Variants in PTPN5 observed in about 807,000 individuals in gnomAD.
PTPN5 encodes tyrosine-protein phosphatase non-receptor type 5.
A neutral mutation model predicts 73.9 loss-of-function variants in PTPN5; 29 were observed. The observed-to-expected ratio is 0.39, with a 90% CI of 0.29 to 0.54. PTPN5 has a LOEUF of 0.54. PTPN5 is among the 20% of genes least tolerant of loss of function. The probability of loss-of-function intolerance (pLI) is 0.65; values close to 1 mark genes in which losing one functional copy is unlikely to be tolerated. For missense variants in PTPN5, 652 were observed against 751.4 expected (o/e 0.87, Z 1.55); for synonymous variants, 267 against 304.7 (o/e 0.88, Z 1.29).
intron 3 of PTPN5, among the ~76,000 whole-genome samples, chr11:18,752,426 C>G (rs1167642267): frequency 1.3e-5 from 2 of 152,114 alleles, no homozygotes; most frequent in Admixed American, 6.6e-5. Context: ...GATGAGCCCC[C>G]CAGGAGGACA....
chr11:18,756,321 G>A (rs1850135100), intron 3 of PTPN5, among the ~76,000 whole-genome samples: 1 of 121,284 alleles, frequency 8.2e-6, no homozygotes, highest in Non-Finnish European at 1.6e-5. Flanking sequence ...TTTTGAGACA[G>A]ATTCTCACTC....
chr11:18,776,972 A>G (rs888897008), intron 1 of PTPN5, among the ~76,000 whole-genome samples: 1 of 151,874 alleles, frequency 6.6e-6, no homozygotes, highest in Admixed American at 6.6e-5. Flanking sequence ...GACCAGCCTG[A>G]CTAACATGGT....
At chr11:18,770,478 G>C (rs529682887) in intron 2 of PTPN5, among the ~76,000 whole-genome samples, 15 of 152,166 alleles carry the variant, frequency 9.9e-5, no homozygotes, top group Non-Finnish European at 1.8e-4. Context: ...TCCTTTTCAT[G>C]GATTCCTTTT....
intron 8 of PTPN5, among the ~76,000 whole-genome samples, chr11:18,738,711 C>T (rs538388124): frequency 2.2e-4 from 33 of 152,232 alleles, no homozygotes; most frequent in African/African-American, 7.5e-4. Flanking sequence ...CGGTGGCTCA[C>T]GCCTGTAATC....
At chr11:18,781,057 A>C (rs1005794517) in intron 1 of PTPN5, among the ~76,000 whole-genome samples, 1 of 152,140 alleles carries the variant, frequency 6.6e-6, no homozygotes, top group East Asian at 1.9e-4. Context: ...TGCAACTCCT[A>C]GGCTTGACAC....
intron 3 of PTPN5, among the ~76,000 whole-genome samples, chr11:18,755,614 G>A (rs868755356): frequency 6.6e-6 from 1 of 152,100 alleles, no homozygotes; most frequent in Non-Finnish European, 1.5e-5. Flanking sequence ...ACTGGGCTGG[G>A]TAGAGGACTG....
At chr11:18,769,698 C>T (rs989881335) in intron 2 of PTPN5, among the ~76,000 whole-genome samples, 3 of 152,214 alleles carry the variant, frequency 2.0e-5, no homozygotes, top group Non-Finnish European at 4.4e-5. Flanking sequence ...GCCACCGCGC[C>T]CGGCCAGGGA....
At chr11:18,750,619 T>C (rs970127036) in intron 3 of PTPN5, among the ~76,000 whole-genome samples, 3 of 152,208 alleles carry the variant, frequency 2.0e-5, no homozygotes, top group African/African-American at 7.2e-5. Flanking sequence ...TGGGTGATCT[T>C]GGGCAATTTC....
chr11:18,745,478 G>A (rs754891656), intron 3 of PTPN5, among the ~76,000 whole-genome samples: 8 of 152,078 alleles, frequency 5.3e-5, no homozygotes, highest in Non-Finnish European at 7.4e-5. Flanking sequence ...AGGTAAGCCC[G>A]CCCCCTATGC....
At chr11:18,777,302 T>A (rs1851204606) in intron 1 of PTPN5, among the ~76,000 whole-genome samples, 1 of 152,238 alleles carries the variant, frequency 6.6e-6, no homozygotes, top group Admixed American at 6.5e-5. Context: ...CCTCAGTTTC[T>A]TCATCTGTGA....
Position 18,742,970 on chromosome 11 carries a change from T to C in PTPN5, c.483+22A>G, listed in dbSNP as rs376365856. The C allele has an allele frequency of 1.3e-5, 20 of 1,490,414 alleles. No individual in the cohort carries two copies. The East Asian group carries it at 1.5e-4, about 11-fold the overall frequency. The allele number at this position is 1,490,414 out of a possible 1,614,324, so 92.3% of individuals were successfully genotyped here. A position where few individuals can be genotyped will look rare whatever the true frequency, so the allele number is the denominator to read the frequency against. On this transcript the variant is annotated intron_variant, in intron 6 of 14. Transcript: ENST00000358540. The surrounding 1 kb of genome is among the most constrained non-coding windows in gnomAD (Gnocchi z 4.1). Reference sequence around the variant, plus strand: ...AGGTCAGAGGAGGACAGCCTTGAGGTTGGGGTCAGGAGGCGCCTTACCAGG... The same window carrying C: ...AGGTCAGAGGAGGACAGCCTTGAGGCTGGGGTCAGGAGGCGCCTTACCAGG...
At chr11:18,738,472 G>A (rs1044284729) in intron 8 of PTPN5, among the ~76,000 whole-genome samples, 1 of 152,206 alleles carries the variant, frequency 6.6e-6, no homozygotes, top group Non-Finnish European at 1.5e-5. Context: ...ACCACTGTCT[G>A]TGTCCAGAGC....
chr11:18,746,459 T>C (rs1478232871), intron 3 of PTPN5, among the ~76,000 whole-genome samples: 1 of 152,024 alleles, frequency 6.6e-6, no homozygotes, highest in Non-Finnish European at 1.5e-5. Context: ...CCCAAAGTGC[T>C]GGGATTACAG....
chr11:18,729,730 T>G lies in PTPN5; in HGVS notation c.1418A>C (p.His473Pro). Residue 473 changes from histidine (H) to proline (P), a missense_variant, in exon 13 of 15, where the codon CAC becomes CCC. By Grantham distance (77) the His-to-Pro change is moderately conservative. Transcript: ENST00000358540. This position sits in a 1 kb window ranked among gnomAD's most constrained non-coding sequence, Gnocchi z 5.2. ...KTPDRAPPLL[H>P]LVREVEEAAQ... Reference sequence around the variant, plus strand: ...TGCCTCCTCCACCTCCCGCACCAGGTGCAGGAGTGGGGGGGCCCGGTCTGG... The same window carrying G: ...TGCCTCCTCCACCTCCCGCACCAGGGGCAGGAGTGGGGGGGCCCGGTCTGG... 1.2e-6 allele frequency: 2 copies of G among 1,603,298 alleles called. No individual in the cohort carries two copies. The highest frequency in any genetic ancestry group is 1.7e-6 in the Non-Finnish European group (2 of 1,172,830).
At chr11:18,761,554 G>T (rs532648884) in intron 3 of PTPN5, among the ~76,000 whole-genome samples, 3 of 152,104 alleles carry the variant, frequency 2.0e-5, no homozygotes, top group Non-Finnish European at 4.4e-5. Flanking sequence ...GTGCATGAGG[G>T]AGAAGAAAAA....
chr11:18,769,847 G>C (rs1250589558), intron 2 of PTPN5, among the ~76,000 whole-genome samples: 1 of 152,250 alleles, frequency 6.6e-6, no homozygotes, highest in African/African-American at 2.4e-5. Context: ...TGGTCAGTGG[G>C]ATGGAGCAGC....
chr11:18,751,407 T>A (rs1375397435), intron 3 of PTPN5, among the ~76,000 whole-genome samples: 2 of 152,184 alleles, frequency 1.3e-5, no homozygotes, highest in Non-Finnish European at 2.9e-5. Context: ...AGAGAAGCCC[T>A]GGAGGAAAAA....
chr11:18,750,775 C>T (rs1479206823), intron 3 of PTPN5, among the ~76,000 whole-genome samples: 1 of 152,132 alleles, frequency 6.6e-6, no homozygotes, highest in African/African-American at 2.4e-5. Flanking sequence ...ACATGATTGC[C>T]CATGTCTTAC....
intron 3 of PTPN5, among the ~76,000 whole-genome samples, chr11:18,763,145 G>A (rs1850475367): frequency 6.6e-6 from 1 of 152,208 alleles, no homozygotes; most frequent in African/African-American, 2.4e-5. Flanking sequence ...GGAGTCTAGA[G>A]GGTCACACAA....
Sources: allele counts gnomAD v4.1 joint callset (sites outside exome capture counted in the v4.1 genomes callset), GRCh38; gene constraint gnomAD v4.1.1; non-coding constraint Gnocchi (gnomAD v3.1); transcripts MANE v1.5; gene names NCBI Gene and HGNC (gene_info 2026-07-23, HGNC 2026-07-21).